NUP188: variants seen among roughly 807,000 people sequenced by gnomAD.
The protein encoded by NUP188 is nucleoporin NUP188.
In NUP188, 97 loss-of-function variants were observed where a neutral mutation model predicts 223.0. That is an observed-to-expected ratio of 0.43 (90% CI 0.37 to 0.51). The LOEUF (loss-of-function observed/expected upper bound fraction) is 0.51. NUP188 is among the 20% of genes least tolerant of loss of function. The pLI, the probability that NUP188 is intolerant of heterozygous loss-of-function variation, is 0.00. For synonymous variants in NUP188, 869 were observed against 828.0 expected, an observed-to-expected ratio of 1.05 and a Z score of -0.85; for missense variants, 1,947 against 2,175.6, an observed-to-expected ratio of 0.89 and a Z score of 2.09.
At chr9:128,985,177 C>G (rs1842316749) in intron 20 of NUP188, 163 bp downstream of exon 20, 1 of 567,864 alleles carries the variant, frequency 1.8e-6, no homozygotes, top group African/African-American at 1.9e-5. Context: ...GTATTGAGTA[C>G]CTAGTATGTG....
At chr9:128,967,125 A>G (rs1296903057) in intron 8 of NUP188, among the ~76,000 whole-genome samples, 1 of 152,084 alleles carries the variant, frequency 6.6e-6, no homozygotes, top group Non-Finnish European at 1.5e-5. Flanking sequence ...CTCCTGCCTT[A>G]GGCTCCAGTG....
At chr9:128,953,335 G>C (rs765219629) in intron 3 of NUP188, among the ~76,000 whole-genome samples, 19 of 152,186 alleles carry the variant, frequency 1.2e-4, no homozygotes, top group African/African-American at 4.3e-4. Context: ...TTATTGGGTA[G>C]TGGAAAACAT....
chr9:128,970,806 C>G lies in NUP188; in HGVS notation c.961C>G (p.Pro321Ala). The G allele has an allele frequency of 6.2e-7, 1 of 1,614,174 alleles. No individual in the cohort carries two copies. Among genetic ancestry groups the G allele is most frequent in the Non-Finnish European group, 8.5e-7 (1 of 1,180,040 alleles). The change falls in exon 11 of 44, where the codon CCA becomes GCA. Residue 321 changes from proline to alanine, a missense_variant. This residue lies in a region of NUP188 where 817 missense variants were observed against 865.8 expected (regional missense o/e 0.94). Coordinates refer to ENST00000372577, the MANE Select transcript of NUP188 (RefSeq NM_015354.3). ...LTFGDIPHHAPVLLAWALLRH... is the reference protein window; with the variant it reads ...LTFGDIPHHAAVLLAWALLRH... ...CTTTGGGGACATTCCACATCATGCCCCAGTGCTTTTGGCCTGGGCTCTCCT... is the reference window on the plus strand; with the variant it reads ...CTTTGGGGACATTCCACATCATGCCGCAGTGCTTTTGGCCTGGGCTCTCCT...
At chr9:128,964,283 T>C (rs969139255) in intron 8 of NUP188, 4 of 397,438 alleles carry the variant, frequency 1.0e-5, no homozygotes, top group Non-Finnish European at 2.0e-5. Flanking sequence ...TATACAGTAT[T>C]GTAAATATAA....
chr9:129,006,431 C>G, intron 43 of NUP188, 63 bp downstream of exon 43: 1 of 1,612,466 alleles, frequency 6.2e-7, no homozygotes, highest in Non-Finnish European at 8.5e-7. Context: ...GGGGTCCTGC[C>G]TGGCAACCCC....
intron 43 of NUP188, 61 bp downstream of exon 43, chr9:129,006,429 G>A (rs1842807658): frequency 3.1e-6 from 5 of 1,612,588 alleles, no homozygotes; most frequent in Non-Finnish European, 4.2e-6. Context: ...GTGGGGTCCT[G>A]CCTGGCAACC....
At chr9:128,961,574 A>ATATC (rs376439021) in intron 8 of NUP188, among the ~76,000 whole-genome samples, 3,428 of 140,160 alleles carry the variant, frequency 0.024, 141 homozygotes, top group African/African-American at 0.096. Context: ...ATCTATATCT[A>ATATC]TATCTATCTA....
At chr9:128,988,316 A>G in intron 24 of NUP188, 130 bp downstream of exon 24, 10 of 1,002,242 alleles carry the variant, frequency 1.0e-5, no homozygotes, top group Non-Finnish European at 1.5e-5. Context: ...AAGTTTGGGA[A>G]TGATTACCAG....
chr9:128,953,539 C>T (rs530365956), intron 3 of NUP188, among the ~76,000 whole-genome samples: 38 of 152,226 alleles, frequency 2.5e-4, no homozygotes, highest in East Asian at 1.2e-3. Context: ...CTTAGGTTAA[C>T]GATGAACTTT....
chr9:128,982,587 G>C lies in NUP188; in HGVS notation c.1555G>C (p.Gly519Arg). 1 of 1,613,990 alleles carries C rather than the reference G, an allele frequency of 6.2e-7. No individual in the cohort carries two copies. The highest frequency in any genetic ancestry group is 8.5e-7 in the Non-Finnish European group (1 of 1,179,950). The change falls in exon 16 of 44, where the codon GGC (glycine) becomes CGC (arginine). Residue 519 changes from glycine to arginine, a missense_variant. Gly to Arg is a moderately radical substitution (Grantham distance 125). Around this residue, in one of 3 missense-constraint regions of NUP188, gnomAD observed 817 missense variants for 865.8 expected, o/e 0.94. Coordinates refer to ENST00000372577, the MANE Select transcript of NUP188 (RefSeq NM_015354.3). ...CCTTCGCATACCTCAAGGCACTGTG[G>C]GCCAAGTAATGTTGGATGATAGGGC... is the stretch of plus-strand genomic sequence containing the variant. ...TNLRIPQGTV[G>R]QVMLDDRAYL...
In NUP188 at chr9:128,985,004, C is replaced by T. The variant is rs756646558; in HGVS notation, c.2066C>T (p.Thr689Ile). 1.2e-6 allele frequency: 2 copies of T among 1,610,366 alleles called. No homozygotes were observed. The highest frequency in any genetic ancestry group is 1.7e-6 in the Non-Finnish European group (2 of 1,176,990). ...VTIAFLRLIT[T>I]LVKGQLGSTQ... is the part of the protein sequence containing the mutation. ...ATTGCCTTTCTGCGCTTGATCACCACCCTTGTCAAGGTACAGTCTGATTTT... is the reference window on the plus strand; with the variant it reads ...ATTGCCTTTCTGCGCTTGATCACCATCCTTGTCAAGGTACAGTCTGATTTT... Residue 689 changes from threonine (T) to isoleucine (I), a missense_variant, in exon 20 of 44, where the codon ACC becomes ATC. Physicochemically the swap from Thr to Ile is moderately conservative, Grantham distance 89. Around this residue, in one of 3 missense-constraint regions of NUP188, gnomAD observed 817 missense variants for 865.8 expected, o/e 0.94. Coordinates refer to ENST00000372577, the MANE Select transcript of NUP188 (RefSeq NM_015354.3).
At chr9:128,949,111 G>T in intron 1 of NUP188, 78 bp from the exon 2 acceptor site, 1 of 1,064,788 alleles carries the variant, frequency 9.4e-7, no homozygotes, top group Non-Finnish European at 1.4e-6. Flanking sequence ...TTAGAGAGCA[G>T]ACAAAATGGC....
intron 30 of NUP188, among the ~76,000 whole-genome samples, chr9:128,996,957 G>T (rs1004373045): frequency 6.6e-6 from 1 of 152,202 alleles, no homozygotes; most frequent in Admixed American, 6.5e-5. Flanking sequence ...ATCTTTGATC[G>T]CATAGAGAGT....
At chr9:129,004,266 A>G (rs1842732720) in intron 38 of NUP188, among the ~76,000 whole-genome samples, 1 of 145,526 alleles carries the variant, frequency 6.9e-6, no homozygotes, top group African/African-American at 2.5e-5. Context: ...CTGGTGACAA[A>G]GTGAGACTCC....
chr9:129,003,732 G>A (rs566146567), intron 38 of NUP188: 618 of 456,134 alleles, frequency 1.4e-3, no homozygotes, highest in Non-Finnish European at 1.9e-3. Context: ...GGTGGCTCAC[G>A]CCTGTAATCC....
At chr9:128,956,211 G>GCA (rs1554827625) in intron 3 of NUP188, 139 bp from the exon 4 acceptor site, 10 of 413,762 alleles carry the variant, frequency 2.4e-5, no homozygotes, top group East Asian at 2.2e-4. Flanking sequence ...GTGTGTGTGT[G>GCA]CGTGTGTGTG....
At chr9:128,998,453 A>G (rs925424883) in intron 31 of NUP188, 85 bp from the exon 32 acceptor site, 40 of 1,235,686 alleles carry the variant, frequency 3.2e-5, no homozygotes, top group Non-Finnish European at 4.5e-5. Flanking sequence ...CTGCTGGGGA[A>G]GAAAGGCAAT....
At chr9:128,961,853 T>A (rs943303717) in intron 8 of NUP188, among the ~76,000 whole-genome samples, 3 of 151,690 alleles carry the variant, frequency 2.0e-5, no homozygotes, top group Non-Finnish European at 4.4e-5. Context: ...ACTCCCGACC[T>A]CAGGTGATCT....
At chr9:128,973,748 AAAG>A (rs1199330669) in intron 12 of NUP188, among the ~76,000 whole-genome samples, 4 of 152,180 alleles carry the variant, frequency 2.6e-5, no homozygotes, top group Admixed American at 2.0e-4. Flanking sequence ...AATGCTGTAA[AAAG>A]AAAAAAGTAT....
Sources: gnomAD v4.1 joint callset for allele counts (sites outside exome capture counted in the v4.1 genomes callset) on GRCh38, gnomAD v4.1.1 for gene constraint, gnomAD v4.1.1 regional missense constraint, MANE v1.5 for transcripts, NCBI Gene and HGNC (gene_info 2026-07-23, HGNC 2026-07-21) for gene names.